The following HMGCLL1 variants were observed in gnomAD, a reference collection of about 807,000 sequenced individuals.
HMGCLL1 encodes the protein 3-hydroxymethyl-3-methylglutaryl-CoA lyase, cytoplasmic.
Under a neutral mutation model 39.1 loss-of-function variants are expected in HMGCLL1, and 36 were observed. That is an observed-to-expected ratio of 0.92 (90% CI 0.71 to 1.22). HMGCLL1 has a LOEUF of 1.22. Ranked by LOEUF, HMGCLL1 falls within the 50% of genes most tolerant of loss-of-function variation. HMGCLL1 has a pLI of 0.00. For missense variants in HMGCLL1, 451 were observed against 416.5 expected (o/e 1.08, Z -0.72); for synonymous variants, 149 against 144.0 (o/e 1.03, Z -0.25).
intron 7 of HMGCLL1, 92 bp from the exon 8 acceptor site, chr6:55,439,651 C>T: frequency 7.3e-7 from 1 of 1,368,188 alleles, no homozygotes; most frequent in Non-Finnish European, 1.0e-6. Context: ...TGCAAATAAG[C>T]AAAATCTGAA....
chr6:55,670,694 T>C, the HMGCLL1 span, among the ~76,000 whole-genome samples: 4 of 151,658 alleles, frequency 2.6e-5, no homozygotes, highest in East Asian at 3.9e-4. Context: ...CTATAAAACA[T>C]TGTAAAAAGA....
Position 55,514,113 on chromosome 6 carries a change from T to A in HMGCLL1, c.477A>T (p.Glu159Asp), listed in dbSNP as rs1767610006. The change falls in exon 5 of 9, where the codon GAA becomes GAT. Residue 159 changes from glutamate to aspartate, a missense_variant. Transcript: ENST00000274901. Reference sequence around the variant, plus strand: ...CCTCCTCAAATTTTCCCATACTTTCTTCAATGGAACAGTTAATATTCTTCT... The same window carrying A: ...CCTCCTCAAATTTTCCCATACTTTCATCAATGGAACAGTTAATATTCTTCT... ...FSKKNINCSI[E>D]ESMGKFEEVV... is the part of the protein sequence containing the mutation. 6.2e-7 allele frequency: 1 copy of A among 1,613,120 alleles called. No individual in the cohort carries two copies. Among genetic ancestry groups the A allele is most frequent in the Non-Finnish European group, 8.5e-7 (1 of 1,179,428 alleles).
In HMGCLL1 at chr6:55,546,210, TTTTTATTGA is replaced by T. The variant is rs1235279969; in HGVS notation, c.109-4079_109-4071del. On this transcript the variant is annotated intron_variant, in intron 1 of 8. Coordinates refer to ENST00000274901, the MANE Select transcript of HMGCLL1 (RefSeq NM_001042406.2). ...TAATATCCAATTATTTTCAACAAAA[TTTTTATTGA>T]TTTTATTGATTTTATTGATCATCCA... Among the ~76,000 whole-genome samples the T allele has an allele frequency of 2.6e-5, 4 of 152,162 alleles. No homozygotes were observed. The South Asian group carries it at 6.2e-4, about 24-fold the overall frequency.
At chr6:55,524,806 G>T (rs6914087) in intron 3 of HMGCLL1, among the ~76,000 whole-genome samples, 103,149 of 151,526 alleles carry the variant, frequency 0.68, 35,154 homozygotes, top group Admixed American at 0.72. Context: ...TCCAGTGTTT[G>T]TGATGAGGGA....
At chr6:55,604,819 C>A in the HMGCLL1 span, among the ~76,000 whole-genome samples, 1 of 152,178 alleles carries the variant, frequency 6.6e-6, no homozygotes, top group Admixed American at 6.5e-5. Flanking sequence ...TAATCCCCAA[C>A]ATTCACACAG....
the HMGCLL1 span, among the ~76,000 whole-genome samples, chr6:55,596,186 A>T: frequency 1.3e-5 from 2 of 151,998 alleles, no homozygotes; most frequent in Non-Finnish European, 1.5e-5. Context: ...AATTAGCCGG[A>T]TGTGGCGGTG....
intron 7 of HMGCLL1, among the ~76,000 whole-genome samples, chr6:55,455,928 C>T (rs1764303407): frequency 6.6e-6 from 1 of 152,096 alleles, no homozygotes; most frequent in South Asian, 2.1e-4. Context: ...ATTATGTCCT[C>T]AAATTATAAA....
chr6:55,588,214 G>T, the HMGCLL1 span, among the ~76,000 whole-genome samples: 2 of 151,838 alleles, frequency 1.3e-5, no homozygotes, highest in Admixed American at 6.6e-5. Flanking sequence ...CTCTCAGACC[G>T]CAGTGCAATC....
At chr6:55,564,157 TG>T (rs770874085) in intron 1 of HMGCLL1, among the ~76,000 whole-genome samples, 71 of 152,082 alleles carry the variant, frequency 4.7e-4, no homozygotes, top group Non-Finnish European at 8.2e-4. Flanking sequence ...TCTTATCTTA[TG>T]GGTGGGGTTG....
chr6:55,445,315 T>C (rs9396093), intron 7 of HMGCLL1, among the ~76,000 whole-genome samples: 45,642 of 151,642 alleles, frequency 0.3, 7,208 homozygotes, highest in African/African-American at 0.42. Context: ...AGTCATAATC[T>C]TCTAAGAAAA....
chr6:55,617,304 A>C, the HMGCLL1 span, among the ~76,000 whole-genome samples: 2 of 152,130 alleles, frequency 1.3e-5, no homozygotes, highest in African/African-American at 2.4e-5. Context: ...CTCCACACCC[A>C]CCAGCTCATT....
chr6:55,674,327 A>T, the HMGCLL1 span, among the ~76,000 whole-genome samples: 8,338 of 151,748 alleles, frequency 0.055, 391 homozygotes, highest in Non-Finnish European at 0.077. Flanking sequence ...TGAGCATGGG[A>T]TTCAAGGTTA....
At chr6:55,472,023 T>C (rs191607136) in intron 7 of HMGCLL1, among the ~76,000 whole-genome samples, 104 of 151,896 alleles carry the variant, frequency 6.8e-4, no homozygotes, top group African/African-American at 2.4e-3. Context: ...GTGATACATA[T>C]ATTCAGAATC....
chr6:55,446,283 A>T (rs529308317), intron 7 of HMGCLL1, among the ~76,000 whole-genome samples: 50 of 148,268 alleles, frequency 3.4e-4, no homozygotes, highest in Non-Finnish European at 6.7e-4. Flanking sequence ...TAACATATTT[A>T]TTTAAATATT....
the HMGCLL1 span, among the ~76,000 whole-genome samples, chr6:55,671,003 T>C: frequency 1.3e-5 from 2 of 151,638 alleles, no homozygotes; most frequent in Non-Finnish European, 3.0e-5. Context: ...CCAGGCAATA[T>C]AGGCCTTAGA....
At chr6:55,633,945 C>T in the HMGCLL1 span, among the ~76,000 whole-genome samples, 4 of 151,904 alleles carry the variant, frequency 2.6e-5, no homozygotes, top group African/African-American at 7.3e-5. Flanking sequence ...CAAATATAAA[C>T]GCATTTTACT....
At chr6:55,494,216 C>T (rs1294751808) in intron 7 of HMGCLL1, among the ~76,000 whole-genome samples, 5 of 152,236 alleles carry the variant, frequency 3.3e-5, no homozygotes, top group Non-Finnish European at 7.4e-5. Context: ...GCCCTTTATC[C>T]TGAAGACCTA....
At chr6:55,543,530 G>C (rs1410787261) in intron 1 of HMGCLL1, among the ~76,000 whole-genome samples, 1 of 100,010 alleles carries the variant, frequency 1.0e-5, no homozygotes, top group African/African-American at 3.9e-5. Context: ...ATATTTTTAT[G>C]TGTATATATA....
the HMGCLL1 span, among the ~76,000 whole-genome samples, chr6:55,639,725 C>T: frequency 6.6e-6 from 1 of 151,862 alleles, no homozygotes; most frequent in African/African-American, 2.4e-5. Context: ...TCACTAGTTG[C>T]ATAAACTAGG....
Sources: gnomAD v4.1 joint callset for allele counts (sites outside exome capture counted in the v4.1 genomes callset) on GRCh38, gnomAD v4.1.1 for gene constraint, MANE v1.5 for transcripts, NCBI Gene and HGNC (gene_info 2026-07-23, HGNC 2026-07-21) for gene names.